Variants in PPARA observed in about 807,000 individuals in gnomAD.
PPARA encodes peroxisome proliferator activated receptor alpha.
PPARA carries 22 observed loss-of-function variants against 42.2 expected under a neutral mutation model. That is an observed-to-expected ratio of 0.52 (90% confidence interval 0.37 to 0.74). The LOEUF is 0.74. Ranked by LOEUF, PPARA falls within the 30% of genes least tolerant of loss-of-function variation. The probability of loss-of-function intolerance (pLI) is 0.00; values close to 1 mark genes in which losing one functional copy is unlikely to be tolerated. For missense variants in PPARA, 465 were observed against 608.2 expected (o/e 0.76, Z 2.48); for synonymous variants, 242 against 239.3 (o/e 1.01, Z -0.10).
In PPARA at chr22:46,219,417, G is replaced by T. The variant is rs757592233; in HGVS notation, c.509-395G>T. 6.6e-6 allele frequency among the ~76,000 whole-genome samples: 1 copy of T among 152,138 alleles called. No individual in the cohort carries two copies. The highest frequency in any genetic ancestry group is 2.4e-5 in the African/African-American group (1 of 41,438). On this transcript the variant is annotated intron_variant, in intron 6 of 8. Transcript: ENST00000407236. The surrounding 1 kb of genome is among the most constrained non-coding windows in gnomAD (Gnocchi z 4.8). ...GCTAATTGTGATGTGAATGTAAGTCGTTCATAAGAGTTGCATGTCTACCTT... is the reference window on the plus strand; with the variant it reads ...GCTAATTGTGATGTGAATGTAAGTCTTTCATAAGAGTTGCATGTCTACCTT...
rs1285369627 is a variant in PPARA at position 46,230,257 on chromosome 22, G to A, written c.712-1535G>A. Among the ~76,000 whole-genome samples, 1 of 152,168 alleles carries A rather than the reference G, an allele frequency of 6.6e-6. No homozygotes were observed. The highest frequency in any genetic ancestry group is 6.6e-5 in the Admixed American group (1 of 15,262). Reference sequence around the variant, plus strand: ...GTGGTGGCGCATGCCTGTAATCCCAGCTACTCAGAAGGCTGAGGCGGGAGA... The same window carrying A: ...GTGGTGGCGCATGCCTGTAATCCCAACTACTCAGAAGGCTGAGGCGGGAGA... On this transcript the variant is annotated intron_variant, in intron 7 of 8. Coordinates refer to ENST00000407236, the MANE Select transcript of PPARA (RefSeq NM_005036.6). This position sits in a 1 kb window ranked among gnomAD's most constrained non-coding sequence, Gnocchi z 5.0.
Position 46,198,582 on chromosome 22 carries a change from G to A in PPARA, c.199G>A (p.Val67Ile). Residue 67 changes from valine (V) to isoleucine (I), a missense_variant, in exon 4 of 9, where the codon GTC becomes ATC. Physicochemically the swap from Val to Ile is conservative, Grantham distance 29. Transcript: ENST00000407236. ...AAGCTGTCCTGGCTCAGATGGCTCG[G>A]TCATCACGGGTAAGTGTGCCGTTTC... ...LGSCPGSDGS[V>I]ITDTLSPASS... 1 of 1,613,590 alleles carries A rather than the reference G, an allele frequency of 6.2e-7. No homozygotes were observed. Among genetic ancestry groups the A allele is most frequent in the South Asian group, 1.1e-5 (1 of 91,064 alleles).
At position 46,224,791 on chromosome 22, in the gene PPARA, G is replaced by C. The variant is rs1935278133; in HGVS notation, c.711+4777G>C. 6.6e-6 allele frequency among the ~76,000 whole-genome samples: 1 copy of C among 152,216 alleles called. No homozygotes were observed. The highest frequency in any genetic ancestry group is 2.1e-4 in the South Asian group (1 of 4,830). On this transcript the variant is annotated intron_variant, in intron 7 of 8. Transcript: ENST00000407236. The surrounding 1 kb of genome is among the most constrained non-coding windows in gnomAD (Gnocchi z 5.7). ...GCAACCCTGAAATGTTCAAAGCCTT[G>C]ATGGGGAAGCACGGGGGATGGATAG...
chr22:46,238,474 C>G lies in PPARA; in HGVS notation c.*3094C>G, dbSNP rs1349196760. 6.6e-6 allele frequency: 1 copy of G among 152,244 alleles called. No individual in the cohort carries two copies. Among genetic ancestry groups the G allele is most frequent in the Non-Finnish European group, 1.5e-5 (1 of 68,046 alleles). 9.4% of individuals were successfully genotyped at this position (152,244 alleles called of 1,614,324 possible). ...GGAGTGTCGGAGCACATGTGTGGCA[C>G]CCGCTCCCTCTGGCAGCGAATGTAG... is the stretch of plus-strand genomic sequence containing the variant. On this transcript the variant is annotated 3_prime_UTR_variant, in exon 9 of 9. Coordinates refer to ENST00000407236, the MANE Select transcript of PPARA (RefSeq NM_005036.6). The surrounding 1 kb of genome is among the most constrained non-coding windows in gnomAD (Gnocchi z 8.3).
rs1448765429 is a variant in PPARA at position 46,242,183 on chromosome 22, C to G, written c.*6803C>G. 6.6e-6 allele frequency: 1 copy of G among 152,262 alleles called. No individual in the cohort carries two copies. The highest frequency in any genetic ancestry group is 1.5e-5 in the Non-Finnish European group (1 of 68,054). The allele number at this position is 152,262 out of a possible 1,614,324, so 9.4% of individuals were successfully genotyped here. The stretch of plus-strand genomic sequence containing the variant: ...CAAACAGGCCCCCAGTCCACGCAGC[C>G]TGGCTCCTAGGAAAAGTGGTGACCG... On this transcript the variant is annotated 3_prime_UTR_variant, in exon 9 of 9. Transcript: ENST00000407236. This position sits in a 1 kb window ranked among gnomAD's most constrained non-coding sequence, Gnocchi z 6.1.
Position 46,218,315 on chromosome 22 carries a change from G to T in PPARA, c.422G>T (p.Arg141Leu), listed in dbSNP as rs557774897. 1.2e-6 allele frequency: 2 copies of T among 1,614,018 alleles called. No individual in the cohort carries two copies. Among genetic ancestry groups the T allele is most frequent in the Non-Finnish European group, 1.7e-6 (2 of 1,180,010 alleles). Residue 141 changes from arginine (R) to leucine (L), a missense_variant, in exon 6 of 9, where the codon CGC becomes CTC. Arg to Leu is a moderately radical substitution (Grantham distance 102, BLOSUM62 -2). Around this residue, in one of 2 missense-constraint regions of PPARA, gnomAD observed 313 missense variants for 469.1 expected, o/e 0.67. Transcript: ENST00000407236. ...AAGCTGGTGTATGACAAGTGCGACCGCAGCTGCAAGATCCAGAAAAAGAAC... is the reference window on the plus strand; with the variant it reads ...AAGCTGGTGTATGACAAGTGCGACCTCAGCTGCAAGATCCAGAAAAAGAAC... Reference protein sequence around the residue: ...RLKLVYDKCDRSCKIQKKNRN... With the variant: ...RLKLVYDKCDLSCKIQKKNRN...
intron 3 of PPARA, among the ~76,000 whole-genome samples, chr22:46,181,979 C>T (rs183139986): frequency 4.1e-4 from 63 of 152,308 alleles, no homozygotes; most frequent in Middle Eastern, 3.4e-3. Context: ...GCTGGGAGTA[C>T]GGGTGTGCAC....
In PPARA at chr22:46,240,446, C is replaced by T. The variant is rs898664346; in HGVS notation, c.*5066C>T. On this transcript the variant is annotated 3_prime_UTR_variant, in exon 9 of 9. Transcript: ENST00000407236. This position sits in a 1 kb window ranked among gnomAD's most constrained non-coding sequence, Gnocchi z 6.0. ...CAGGGGCCTGCAGCCTTGTCCTCAG[C>T]TCCCATCTCCTGGACTGCCAGCCTC... 7.6e-6 allele frequency: 3 copies of T among 393,742 alleles called. No homozygotes were observed. Among genetic ancestry groups the T allele is most frequent in the African/African-American group, 6.2e-5 (3 of 48,550 alleles). The allele number at this position is 393,742 out of a possible 1,614,324, so 24.4% of individuals were successfully genotyped here.
Position 46,194,568 on chromosome 22 carries a change from CTTTTTTT to C in PPARA, c.-42-3759_-42-3753del, listed in dbSNP as rs1158744441. On this transcript the variant is annotated intron_variant, in intron 3 of 8. Coordinates refer to ENST00000407236, the MANE Select transcript of PPARA (RefSeq NM_005036.6). ...TCTCTGCCCATCTACTTGCTTTTTCCTTTTTTTTTTTTTTTTTTTTTGTGACAGAGTC... is the reference window on the plus strand; with the variant it reads ...TCTCTGCCCATCTACTTGCTTTTTCCTTTTTTTTTTTTTTGTGACAGAGTC... 2.5e-4 allele frequency among the ~76,000 whole-genome samples: 32 copies of C among 125,500 alleles called. 1 individual carries two copies. The highest frequency in any genetic ancestry group is 3.8e-4 in the Non-Finnish European group (23 of 60,698). The allele number at this position is 125,500 out of a possible 152,430, so 82.3% of individuals were successfully genotyped here.
At position 46,235,269 on chromosome 22, in the gene PPARA, C is replaced by T. The variant is rs747254765; in HGVS notation, c.1296C>T (p.Asp432=). ...LFPKLLQKMA[D]LRQLVTEHAQ... is the part of the protein sequence containing the mutation. ...CAAAACTTCTTCAAAAAATGGCAGA[C>T]CTCCGGCAGCTGGTGACGGAGCATG... The change falls in exon 9 of 9, where the codon GAC becomes GAT. Residue 432 remains aspartate, a synonymous_variant. Transcript: ENST00000407236. This position sits in a 1 kb window ranked among gnomAD's most constrained non-coding sequence, Gnocchi z 7.0. 1 of 1,614,068 alleles carries T rather than the reference C, an allele frequency of 6.2e-7. No individual in the cohort carries two copies. The highest frequency in any genetic ancestry group is 8.5e-7 in the Non-Finnish European group (1 of 1,180,046).
In PPARA at chr22:46,180,248, G is replaced by A. The variant is rs567811720; in HGVS notation, c.-43+3412G>A. 6.6e-5 allele frequency among the ~76,000 whole-genome samples: 10 copies of A among 150,692 alleles called. No individual in the cohort carries two copies. Among genetic ancestry groups the A allele is most frequent in the Admixed American group, 2.0e-4 (3 of 15,098 alleles). ...CTCTCCCAGGCTGGAGTACAGTGGC[G>A]CGATCTCAGCTCACTGCAACCTCTG... On this transcript the variant is annotated intron_variant, in intron 3 of 8. Coordinates refer to ENST00000407236, the MANE Select transcript of PPARA (RefSeq NM_005036.6). This position sits in a 1 kb window ranked among gnomAD's most constrained non-coding sequence, Gnocchi z 4.2.
In PPARA at chr22:46,216,884, T is replaced by C. The variant is rs1401528927; in HGVS notation, c.370-1379T>C. The stretch of plus-strand genomic sequence containing the variant: ...AGACGTGCTCAAGTCTGGCGCCTTA[T>C]GTACGTGATATGTGGGAGATCATCA... On this transcript the variant is annotated intron_variant, in intron 5 of 8. Transcript: ENST00000407236. This position sits in a 1 kb window ranked among gnomAD's most constrained non-coding sequence, Gnocchi z 4.5. Among the ~76,000 whole-genome samples, 1 of 152,240 alleles carries C rather than the reference T, an allele frequency of 6.6e-6. No individual in the cohort carries two copies. Among genetic ancestry groups the C allele is most frequent in the Non-Finnish European group, 1.5e-5 (1 of 68,050 alleles).
In PPARA at chr22:46,221,355, T is replaced by A. The variant is rs1020051826; in HGVS notation, c.711+1341T>A. Among the ~76,000 whole-genome samples the A allele has an allele frequency of 2.0e-5, 3 of 152,160 alleles. No individual in the cohort carries two copies. The highest frequency in any genetic ancestry group is 4.4e-5 in the Non-Finnish European group (3 of 68,028). ...GGTGGGGACACAGAGCCAAACCATA[T>A]CATAAGGCTAGAAAAGGAAACCACT... On this transcript the variant is annotated intron_variant, in intron 7 of 8. Coordinates refer to ENST00000407236, the MANE Select transcript of PPARA (RefSeq NM_005036.6). The surrounding 1 kb of genome is among the most constrained non-coding windows in gnomAD (Gnocchi z 5.9).
rs925147543 is a variant in PPARA at position 46,150,537 on chromosome 22, G to A, written c.-325G>A. On this transcript the variant is annotated 5_prime_UTR_variant, in exon 1 of 9. Transcript: ENST00000407236. The surrounding 1 kb of genome is among the most constrained non-coding windows in gnomAD (Gnocchi z 7.5). Reference sequence around the variant, plus strand: ...GCCGGGCATGGGCCGTGGACGCGGCGGCCCCGCGGCGGGGGCAGCGGGCGG... The same window carrying A: ...GCCGGGCATGGGCCGTGGACGCGGCAGCCCCGCGGCGGGGGCAGCGGGCGG... The A allele has an allele frequency of 1.4e-5, 2 of 145,524 alleles. No individual in the cohort carries two copies. Among genetic ancestry groups the A allele is most frequent in the Non-Finnish European group, 3.1e-5 (2 of 65,398 alleles). 9.0% of individuals were successfully genotyped at this position (145,524 alleles called of 1,614,324 possible). A position where few individuals can be genotyped will look rare whatever the true frequency, so the allele number is the denominator to read the frequency against.
rs369963518 is a variant in PPARA at position 46,198,581 on chromosome 22, G to C, written c.198G>C (p.Ser66=). ...GAAGCTGTCCTGGCTCAGATGGCTC[G>C]GTCATCACGGGTAAGTGTGCCGTTT... The part of the protein sequence containing the change: ...YLGSCPGSDG[S]VITDTLSPAS... The change falls in exon 4 of 9, where the codon TCG becomes TCC. Residue 66 remains serine, a synonymous_variant. Transcript: ENST00000407236. 2 of 1,613,474 alleles carry C rather than the reference G, an allele frequency of 1.2e-6. No homozygotes were observed. The highest frequency in any genetic ancestry group is 2.2e-5 in the South Asian group (2 of 91,066).
chr22:46,220,002 C>T lies in PPARA; in HGVS notation c.699C>T (p.Ala233=), dbSNP rs1359867285. The change falls in exon 7 of 9, where the codon GCC becomes GCT. Residue 233 remains alanine (A), a synonymous_variant. Transcript: ENST00000407236. ...CCCGGGTCATCCTCTCAGGAAAGGC[C>T]AGTAACAATCCAGTAGGTGTTTGCG... ...VKARVILSGK[A]SNNPPFVIHD... is the part of the protein sequence containing the mutation. 2.5e-6 allele frequency: 4 copies of T among 1,613,956 alleles called. No individual in the cohort carries two copies. The Admixed American group carries it at 5.0e-5, about 20-fold the overall frequency.
intron 3 of PPARA, among the ~76,000 whole-genome samples, chr22:46,177,278 T>C (rs1601656940): frequency 6.6e-6 from 1 of 152,054 alleles, no homozygotes; most frequent in South Asian, 2.1e-4. Flanking sequence ...CCTTTACTAT[T>C]TTATTGAGCA....
Position 46,182,838 on chromosome 22 carries a change from G to A in PPARA, c.-43+6002G>A, listed in dbSNP as rs1311730694. Among the ~76,000 whole-genome samples the A allele has an allele frequency of 6.6e-5, 10 of 152,092 alleles. No individual in the cohort carries two copies. Among genetic ancestry groups the A allele is most frequent in the African/African-American group, 2.4e-4 (10 of 41,428 alleles). ...CAGAGCACTGTAACCTCCGCCTCCC[G>A]GGTTCAAGCGATTCTCATGCCTCAG... On this transcript the variant is annotated intron_variant, in intron 3 of 8. Transcript: ENST00000407236. This position sits in a 1 kb window ranked among gnomAD's most constrained non-coding sequence, Gnocchi z 5.2.
chr22:46,169,340 A>G (rs978333157), intron 2 of PPARA, among the ~76,000 whole-genome samples: 2 of 151,854 alleles, frequency 1.3e-5, no homozygotes, highest in Non-Finnish European at 2.9e-5. Flanking sequence ...GTTCACGCCA[A>G]TCTCCTGCTT....
Sources: gnomAD v4.1 joint callset for allele counts (sites outside exome capture counted in the v4.1 genomes callset) on GRCh38, gnomAD v4.1.1 for gene constraint, gnomAD v4.1.1 regional missense constraint, Gnocchi (gnomAD v3.1) non-coding constraint, MANE v1.5 for transcripts, NCBI Gene and HGNC (gene_info 2026-07-23, HGNC 2026-07-21) for gene names.